Variants in DEFB119 observed in about 807,000 individuals in gnomAD.
DEFB119 encodes the protein beta-defensin 119.
Under a neutral mutation model 2.5 loss-of-function variants are expected in DEFB119, and 3 were observed. That is an observed-to-expected ratio of 1.19 (90% CI 0.54 to 3.07). The LOEUF (loss-of-function observed/expected upper bound fraction) is 3.07, where lower values mean the gene tolerates loss of function less well. DEFB119 is among the 30% of genes most tolerant of loss of function. DEFB119 has a pLI of 0.03. For missense variants in DEFB119, 113 were observed against 101.1 expected (o/e 1.12, Z -0.50); for synonymous variants, 29 against 33.7 (o/e 0.86, Z 0.48).
rs1268931255 is a variant in DEFB119 at position 31,380,993 on chromosome 20, T to A, written c.62-3554A>T. On this transcript the variant is annotated intron_variant, in intron 1 of 1. Transcript: ENST00000376321. Reference sequence around the variant, plus strand: ...AATCTTGCTGGGATTTTGACATAAATGCCTATGTCAATTTGAGGAGAATTA... The same window carrying A: ...AATCTTGCTGGGATTTTGACATAAAAGCCTATGTCAATTTGAGGAGAATTA... Among the ~76,000 whole-genome samples the A allele has an allele frequency of 3.3e-5, 5 of 152,354 alleles. No homozygotes were observed. In the East Asian group the frequency reaches 5.8e-4, roughly 18 times the overall value.
At chr20:31,381,939 C>T (rs1002620892) in intron 1 of DEFB119, among the ~76,000 whole-genome samples, 2 of 152,090 alleles carry the variant, frequency 1.3e-5, no homozygotes, top group African/African-American at 4.8e-5. Flanking sequence ...TTAGTGGTTA[C>T]CAAGGGTTAA....
intron 1 of DEFB119, among the ~76,000 whole-genome samples, chr20:31,386,810 CTT>C (rs148428945): frequency 2.8e-5 from 3 of 108,892 alleles, no homozygotes; most frequent in Admixed American, 1.0e-4. Context: ...TTTTCTTTTT[CTT>C]TTTTTTTTTT....
intron 1 of DEFB119, among the ~76,000 whole-genome samples, chr20:31,387,105 C>A (rs1986736606): frequency 6.6e-6 from 1 of 151,996 alleles, no homozygotes; most frequent in Non-Finnish European, 1.5e-5. Flanking sequence ...CCGCACCCAG[C>A]CTATTGTGTA....
intron 1 of DEFB119, among the ~76,000 whole-genome samples, chr20:31,386,189 G>A: frequency 6.6e-6 from 1 of 152,188 alleles, no homozygotes; most frequent in East Asian, 1.9e-4. Flanking sequence ...GAATGACATA[G>A]AGAAGTTTCC....
At chr20:31,386,087 C>G (rs114442976) in intron 1 of DEFB119, among the ~76,000 whole-genome samples, 3,059 of 151,984 alleles carry the variant, frequency 0.02, 102 homozygotes, top group African/African-American at 0.07. Context: ...CTGTGAGGGA[C>G]AGTCATGGGA....
At chr20:31,389,271 C>G (rs1187607589) in intron 1 of DEFB119, 6 of 1,612,368 alleles carry the variant, frequency 3.7e-6, no homozygotes, top group Non-Finnish European at 5.1e-6. Flanking sequence ...ATGTTAGTAT[C>G]CCTCAAGCGG....
chr20:31,381,381 A>G (rs547995678), intron 1 of DEFB119, among the ~76,000 whole-genome samples: 2 of 152,396 alleles, frequency 1.3e-5, no homozygotes, highest in East Asian at 1.9e-4. Context: ...GACATCTTCA[A>G]ATAGACACCA....
In DEFB119 at chr20:31,378,470, C is replaced by CCA. The variant is rs1600504960; in HGVS notation, c.62-1032_62-1031insTG. The CCA allele has an allele frequency of 2.5e-6, 4 of 1,591,602 alleles. 1 individual carries two copies. The highest frequency in any genetic ancestry group is 4.5e-5 in the East Asian group (2 of 44,472). On this transcript the variant is annotated intron_variant, in intron 1 of 1. Transcript: ENST00000376321. ...CATAACATAATAATATCAAAAACAT[C>CCA]CGCGTTCCAGCAAAAATTACTCATC...
intron 1 of DEFB119, among the ~76,000 whole-genome samples, chr20:31,384,628 C>T (rs1354394635): frequency 6.6e-6 from 1 of 152,112 alleles, no homozygotes; most frequent in African/African-American, 2.4e-5. Flanking sequence ...TAAGTTTAAG[C>T]AGATATCTGC....
At chr20:31,384,999 CTG>C (rs1038482943) in intron 1 of DEFB119, among the ~76,000 whole-genome samples, 33 of 152,082 alleles carry the variant, frequency 2.2e-4, no homozygotes, top group African/African-American at 7.2e-4. Flanking sequence ...GAAAAGAAAA[CTG>C]AAAAAAATAA....
intron 1 of DEFB119, chr20:31,389,180 C>T (rs756307945): frequency 7.1e-5 from 114 of 1,614,044 alleles, no homozygotes; most frequent in Non-Finnish European, 9.4e-5. Context: ...ATGATGCTGT[C>T]TTCACCATCT....
At chr20:31,380,839 T>A (rs966783345) in intron 1 of DEFB119, among the ~76,000 whole-genome samples, 1 of 152,180 alleles carries the variant, frequency 6.6e-6, no homozygotes, top group Non-Finnish European at 1.5e-5. Flanking sequence ...ATATAATAAG[T>A]CTTAAAATCT....
intron 1 of DEFB119, 58 bp downstream of exon 1, chr20:31,390,365 G>A: frequency 6.6e-7 from 1 of 1,510,680 alleles, no homozygotes; most frequent in Non-Finnish European, 9.2e-7. Context: ...TGAGAGGGAA[G>A]GGAAAGACGG....
rs554533891 is a variant in DEFB119, at chr20:31,377,620, C to T, written c.62-181G>A. Among the ~76,000 whole-genome samples the T allele has an allele frequency of 6.6e-5, 10 of 151,542 alleles. No individual in the cohort carries two copies. In the South Asian group the frequency reaches 1.3e-3, roughly 19 times the overall value. On this transcript the variant is annotated intron_variant, in intron 1 of 1. Coordinates refer to ENST00000376321, the MANE Select transcript of DEFB119 (RefSeq NM_153289.4). Reference sequence around the variant, plus strand: ...TTTTCTCTATTTGTCCTGCCAAGTTCGGTTTAAAACCCTGGGTCTGTGTGT... The same window carrying T: ...TTTTCTCTATTTGTCCTGCCAAGTTTGGTTTAAAACCCTGGGTCTGTGTGT...
Position 31,389,429 on chromosome 20 carries a change from C to G in DEFB119, c.61+994G>C, listed in dbSNP as rs117802888. On this transcript the variant is annotated intron_variant, in intron 1 of 1. Transcript: ENST00000376321. The stretch of plus-strand genomic sequence containing the variant: ...CTGAGACAATGGTTCCAACTGAGAG[C>G]TCCGAAGTTTTTGGGAGAGCCTTTT... 8.9e-4 allele frequency among the ~76,000 whole-genome samples: 135 copies of G among 152,234 alleles called. 2 individuals are homozygous for G. In the East Asian group the frequency reaches 0.023, roughly 26 times the overall value.
intron 1 of DEFB119, among the ~76,000 whole-genome samples, chr20:31,380,557 C>CCATA (rs1420308334): frequency 1.3e-5 from 2 of 152,062 alleles, no homozygotes; most frequent in Non-Finnish European, 1.5e-5. Context: ...TGAGCCACCA[C>CCATA]GCCTGGCGGT....
chr20:31,390,285 C>T, intron 1 of DEFB119, 138 bp downstream of exon 1: 1 of 818,842 alleles, frequency 1.2e-6, no homozygotes, highest in African/African-American at 1.7e-5. Context: ...GAGATATTAA[C>T]TTGAGATGAT....
chr20:31,383,878 C>G (rs1019035028), intron 1 of DEFB119, among the ~76,000 whole-genome samples: 2 of 151,898 alleles, frequency 1.3e-5, no homozygotes, highest in Non-Finnish European at 2.9e-5. Context: ...TAAAGTCCAA[C>G]AAGATCTGAT....
intron 1 of DEFB119, among the ~76,000 whole-genome samples, chr20:31,383,019 C>T (rs763657873): frequency 1.3e-5 from 2 of 152,150 alleles, no homozygotes; most frequent in African/African-American, 4.8e-5. Flanking sequence ...CTTTAAAGAG[C>T]CAGTAAACAG....
Sources: gnomAD v4.1 joint callset for allele counts (sites outside exome capture counted in the v4.1 genomes callset) on GRCh38, gnomAD v4.1.1 for gene constraint, MANE v1.5 for transcripts, NCBI Gene and HGNC (gene_info 2026-07-23, HGNC 2026-07-21) for gene names.